The following DLG2 variants were observed in gnomAD, a reference collection of about 807,000 sequenced individuals.
DLG2 encodes the protein disks large homolog 2.
In DLG2, 45 loss-of-function variants were observed where a neutral mutation model predicts 132.5. The ratio of observed to expected loss-of-function variants is 0.34; its 90% confidence interval spans 0.27 to 0.44. The LOEUF is 0.44. Ranked by LOEUF, DLG2 falls within the 20% of genes least tolerant of loss-of-function variation. The pLI is 1.00. For missense variants in DLG2, 1,045 were observed against 1,196.9 expected, an observed-to-expected ratio of 0.87 and a Z score of 1.87; for synonymous variants, 424 against 419.6, an observed-to-expected ratio of 1.01 and a Z score of -0.13.
At chr11:83,646,186 G>C (rs1320401581) in intron 18 of DLG2, among the ~76,000 whole-genome samples, 1 of 152,132 alleles carries the variant, frequency 6.6e-6, no homozygotes, top group East Asian at 1.9e-4. Flanking sequence ...GGACGCAAGA[G>C]GATGTGAAAA....
chr11:83,784,859 A>AT (rs1480202703), intron 18 of DLG2, among the ~76,000 whole-genome samples: 1 of 152,082 alleles, frequency 6.6e-6, no homozygotes. Flanking sequence ...TTGAGATGAG[A>AT]TTTTTCAGAA....
chr11:85,149,536 C>G (rs1300597812), intron 5 of DLG2, among the ~76,000 whole-genome samples: 1 of 152,144 alleles, frequency 6.6e-6, no homozygotes. Context: ...AATCACTGAA[C>G]TCATTGATCC....
intron 7 of DLG2, among the ~76,000 whole-genome samples, chr11:84,298,372 G>A (rs2098116705): frequency 6.6e-6 from 1 of 152,162 alleles, no homozygotes; most frequent in African/African-American, 2.4e-5. Context: ...CACTTAGAAT[G>A]ATTGTCTGGG....
At chr11:83,803,977 G>A (rs1392676889) in intron 17 of DLG2, among the ~76,000 whole-genome samples, 2 of 152,066 alleles carry the variant, frequency 1.3e-5, no homozygotes, top group African/African-American at 4.8e-5. Flanking sequence ...ATTCTTTTGT[G>A]TTTGGGCTTA....
intron 6 of DLG2, among the ~76,000 whole-genome samples, chr11:84,775,454 A>T (rs900725856): frequency 6.6e-6 from 1 of 152,134 alleles, no homozygotes; most frequent in Non-Finnish European, 1.5e-5. Context: ...AAATCATCCT[A>T]CCAAAAAGAC....
rs372329253 is a variant in DLG2 at position 84,374,464 on chromosome 11, T to TA, written c.520-123174dup. Among the ~76,000 whole-genome samples the TA allele has an allele frequency of 2.3e-3, 343 of 152,330 alleles. 1 individual carries two copies. Among genetic ancestry groups the TA allele is most frequent in the African/African-American group, 8.1e-3 (337 of 41,572 alleles). On this transcript the variant is annotated intron_variant, in intron 7 of 27. Coordinates refer to ENST00000376104, the MANE Select transcript of DLG2 (RefSeq NM_001142699.3). ...TGAATTTGTAAACTTTCTTAAAATATAATGAGATTTTTTAATCTGTGATTT... is the reference window on the plus strand; with the variant it reads ...TGAATTTGTAAACTTTCTTAAAATATAAATGAGATTTTTTAATCTGTGATTT...
chr11:84,881,181 CT>C (rs1470879706), intron 6 of DLG2, among the ~76,000 whole-genome samples: 1 of 152,048 alleles, frequency 6.6e-6, no homozygotes, highest in Non-Finnish European at 1.5e-5. Context: ...GAGATGTGAC[CT>C]TTCCCATGAC....
chr11:84,999,305 T>C (rs1037365346), intron 6 of DLG2, among the ~76,000 whole-genome samples: 1 of 152,178 alleles, frequency 6.6e-6, no homozygotes, highest in Non-Finnish European at 1.5e-5. Flanking sequence ...TCATTTTTTA[T>C]TCTCTGCTTA....
intron 18 of DLG2, among the ~76,000 whole-genome samples, chr11:83,737,654 A>C (rs1291241754): frequency 6.6e-6 from 1 of 152,222 alleles, no homozygotes; most frequent in Admixed American, 6.5e-5. Flanking sequence ...TAAATGAATA[A>C]TTAAGAAACA....
chr11:84,370,932 AT>A (rs1241261016), intron 7 of DLG2, among the ~76,000 whole-genome samples: 5 of 152,052 alleles, frequency 3.3e-5, no homozygotes, highest in Admixed American at 2.0e-4. Context: ...CTAGGGGTCT[AT>A]TTTATCAAAG....
chr11:84,190,174 C>CA (rs35162888), intron 8 of DLG2, among the ~76,000 whole-genome samples: 9,578 of 131,976 alleles, frequency 0.073, 494 homozygotes, highest in African/African-American at 0.16. Context: ...GTTAAGTAGT[C>CA]AAAAAAAAAA....
At chr11:85,386,502 G>C (rs937318420) in intron 3 of DLG2, among the ~76,000 whole-genome samples, 1 of 151,912 alleles carries the variant, frequency 6.6e-6, no homozygotes, top group African/African-American at 2.4e-5. Context: ...CTGTAAAATG[G>C]GATGAATTCG....
intron 6 of DLG2, among the ~76,000 whole-genome samples, chr11:84,544,352 T>C (rs2099385293): frequency 6.6e-6 from 1 of 152,350 alleles, no homozygotes; most frequent in Non-Finnish European, 1.5e-5. Flanking sequence ...ATGCCACACA[T>C]TGAGGATGCT....
At chr11:84,815,936 C>T (rs2077041153) in intron 6 of DLG2, among the ~76,000 whole-genome samples, 1 of 151,974 alleles carries the variant, frequency 6.6e-6, no homozygotes, top group Non-Finnish European at 1.5e-5. Flanking sequence ...GTAGCAATTG[C>T]CCAATAGGGA....
chr11:84,302,077 T>G (rs1043855540), intron 7 of DLG2, among the ~76,000 whole-genome samples: 1 of 152,054 alleles, frequency 6.6e-6, no homozygotes, highest in African/African-American at 2.4e-5. Flanking sequence ...AAACCATCAC[T>G]CTCAGCAAAC....
intron 18 of DLG2, among the ~76,000 whole-genome samples, chr11:83,737,709 T>G (rs1013428432): frequency 3.3e-5 from 5 of 152,164 alleles, no homozygotes; most frequent in Non-Finnish European, 7.4e-5. Flanking sequence ...ATCCCAGCAC[T>G]TTGGGAGGCC....
At chr11:84,231,123 G>A (rs1205605221) in intron 8 of DLG2, among the ~76,000 whole-genome samples, 4 of 152,152 alleles carry the variant, frequency 2.6e-5, no homozygotes, top group Admixed American at 6.5e-5. Context: ...TTCTGGAAGT[G>A]TCCTTAAAGG....
intron 6 of DLG2, among the ~76,000 whole-genome samples, chr11:84,686,637 T>TTTG (rs1295116708): frequency 4.3e-4 from 65 of 150,380 alleles, no homozygotes; most frequent in African/African-American, 1.1e-3. Context: ...GAGGTTTTTT[T>TTTG]TTTTTTTTTT....
intron 6 of DLG2, among the ~76,000 whole-genome samples, chr11:84,688,527 T>C (rs998715907): frequency 1.3e-5 from 2 of 152,206 alleles, no homozygotes; most frequent in Non-Finnish European, 2.9e-5. Context: ...CCCTTCCAAG[T>C]ACTGCTTTAG....
Sources: gnomAD v4.1 joint callset for allele counts (sites outside exome capture counted in the v4.1 genomes callset) on GRCh38, gnomAD v4.1.1 for gene constraint, MANE v1.5 for transcripts, NCBI Gene and HGNC (gene_info 2026-07-23, HGNC 2026-07-21) for gene names.